TNRC6A: variants seen among roughly 807,000 people sequenced by gnomAD.
TNRC6A encodes trinucleotide repeat containing adaptor 6A.
In TNRC6A, 44 loss-of-function variants were observed where a neutral mutation model predicts 221.2. That is an observed-to-expected ratio of 0.20 (90% CI 0.16 to 0.26). TNRC6A has a LOEUF of 0.26. Among genes scored for constraint, TNRC6A ranks in the 10% least tolerant of loss-of-function variants. The pLI is 1.00. For synonymous variants in TNRC6A, 847 were observed against 838.5 expected, an observed-to-expected ratio of 1.01 and a Z score of -0.18; for missense variants, 2,199 against 2,404.4, an observed-to-expected ratio of 0.91 and a Z score of 1.79.
chr16:24,791,795 C>CA lies in TNRC6A; in HGVS notation c.3156dup (p.Glu1053ArgfsTer10). 6.4e-7 allele frequency: 1 copy of CA among 1,560,808 alleles called. No homozygotes were observed. Among genetic ancestry groups the CA allele is most frequent in the Non-Finnish European group, 8.6e-7 (1 of 1,157,928 alleles). ...TAACGCCTGCAAGTGCCATCTCAAACAAAGAGGCAAGCAGTGGCTCTGGTA... is the reference window on the plus strand; with the variant it reads ...TAACGCCTGCAAGTGCCATCTCAAACAAAAGAGGCAAGCAGTGGCTCTGGTA... On this transcript the variant is annotated frameshift_variant, in exon 6 of 25. Coordinates refer to ENST00000395799, the MANE Select transcript of TNRC6A (RefSeq NM_014494.4). LOFTEE classifies it high-confidence loss of function.
intron 2 of TNRC6A, among the ~76,000 whole-genome samples, chr16:24,674,601 A>G (rs767520961): frequency 2.0e-5 from 3 of 151,900 alleles, no homozygotes; most frequent in Non-Finnish European, 4.4e-5. Flanking sequence ...GTTCCACATA[A>G]AAGCAGGCAA....
At chr16:24,631,026 A>G (rs1051471582) in intron 1 of TNRC6A, among the ~76,000 whole-genome samples, 7 of 152,094 alleles carry the variant, frequency 4.6e-5, no homozygotes, top group Admixed American at 1.3e-4. Context: ...AAGAAAGAAA[A>G]AAAAAAAAGG....
chr16:24,786,825 G>A (rs975315598), intron 5 of TNRC6A, among the ~76,000 whole-genome samples: 5 of 152,176 alleles, frequency 3.3e-5, no homozygotes, highest in African/African-American at 1.2e-4. Context: ...GGGACTGCAG[G>A]CGCCTGCCAC....
At chr16:24,819,800 G>T in intron 21 of TNRC6A, 1 of 244,678 alleles carries the variant, frequency 4.1e-6, no homozygotes, top group Non-Finnish European at 7.9e-6. Context: ...GGCCTTTCTT[G>T]AGTGACTCAA....
At chr16:24,722,400 C>G (rs1163856118) in intron 2 of TNRC6A, among the ~76,000 whole-genome samples, 4 of 148,610 alleles carry the variant, frequency 2.7e-5, no homozygotes, top group Non-Finnish European at 5.9e-5. Flanking sequence ...GGTGACAGAG[C>G]AAGACCCCAA....
At chr16:24,706,891 A>G (rs1439941371) in intron 2 of TNRC6A, among the ~76,000 whole-genome samples, 5 of 152,034 alleles carry the variant, frequency 3.3e-5, no homozygotes, top group African/African-American at 1.2e-4. Context: ...GCCATTTGAA[A>G]AACTTAAGTT....
intron 2 of TNRC6A, among the ~76,000 whole-genome samples, chr16:24,719,201 C>T (rs971670541): frequency 1.3e-5 from 2 of 151,878 alleles, no homozygotes; most frequent in African/African-American, 2.4e-5. Flanking sequence ...GCTCTCCTGG[C>T]GCTTACAAAA....
Position 24,689,766 on chromosome 16 carries a change from A to G in TNRC6A, n.402+48757A>G, listed in dbSNP as rs75305280. Among the ~76,000 whole-genome samples, 6 of 152,156 alleles carry G rather than the reference A, an allele frequency of 3.9e-5. No individual in the cohort carries two copies. The East Asian group carries it at 1.2e-3, about 29-fold the overall frequency. Reference sequence around the variant, plus strand: ...GTGACACATGCTATGAGAAAAAAAAATTTGAGACAGGGTCTCACTTGTTGC... The same window carrying G: ...GTGACACATGCTATGAGAAAAAAAAGTTTGAGACAGGGTCTCACTTGTTGC... On this transcript the variant is annotated intron_variant and non_coding_transcript_variant, in intron 2 of 2. Coordinates refer to the TNRC6A transcript ENST00000566108.
At chr16:24,708,964 G>A (rs938507642) in intron 2 of TNRC6A, among the ~76,000 whole-genome samples, 1 of 152,118 alleles carries the variant, frequency 6.6e-6, no homozygotes, top group Admixed American at 6.6e-5. Context: ...AAACGTAAGT[G>A]TGCATGTGTC....
Position 24,790,234 on chromosome 16 carries a change from G to C in TNRC6A, c.1592G>C (p.Gly531Ala). The part of the protein sequence containing the change: ...TWGAYGSNYS[G>A]DKCSGPNGQA... The stretch of plus-strand genomic sequence containing the variant: ...GGTGCCTATGGTTCTAATTACTCTG[G>C]AGACAAATGTTCAGGCCCTAATGGC... Residue 531 changes from glycine to alanine, a missense_variant, in exon 6 of 25, where the codon GGA (glycine) becomes GCA (alanine). Coordinates refer to ENST00000395799, the MANE Select transcript of TNRC6A (RefSeq NM_014494.4). 6.2e-7 allele frequency: 1 copy of C among 1,614,202 alleles called. No individual in the cohort carries two copies.
chr16:24,736,869 C>A (rs2056780980), intron 2 of TNRC6A, among the ~76,000 whole-genome samples: 1 of 152,196 alleles, frequency 6.6e-6, no homozygotes, highest in South Asian at 2.1e-4. Context: ...TTAAATCGAT[C>A]AGCCATAATG....
At chr16:24,665,170 A>G (rs2055132123) in intron 2 of TNRC6A, 11 of 321,670 alleles carry the variant, frequency 3.4e-5, no homozygotes, top group South Asian at 2.6e-4. Context: ...CCTGGGCTCA[A>G]GCCATCCTCC....
intron 4 of TNRC6A, among the ~76,000 whole-genome samples, chr16:24,774,038 C>T (rs186331608): frequency 4.9e-4 from 75 of 152,230 alleles, no homozygotes; most frequent in African/African-American, 1.7e-3. Context: ...TTTGCATTAA[C>T]CAGAATTTTG....
At chr16:24,667,885 C>T (rs1454062040) in intron 2 of TNRC6A, among the ~76,000 whole-genome samples, 2 of 151,162 alleles carry the variant, frequency 1.3e-5, no homozygotes, top group African/African-American at 2.4e-5. Context: ...GTTAGCTGGG[C>T]GTGATGGCAC....
At chr16:24,795,474 C>T (rs1432924300) in intron 8 of TNRC6A, among the ~76,000 whole-genome samples, 1 of 152,030 alleles carries the variant, frequency 6.6e-6, no homozygotes, top group East Asian at 1.9e-4. Context: ...GTGCCCAGTC[C>T]CCCAGGTGGT....
intron 2 of TNRC6A, among the ~76,000 whole-genome samples, chr16:24,744,786 C>G (rs1274472273): frequency 6.6e-6 from 1 of 152,190 alleles, no homozygotes; most frequent in Admixed American, 6.5e-5. Context: ...TGCTCATACT[C>G]TGTCACAAAT....
chr16:24,710,298 C>T (rs939521150), intron 2 of TNRC6A, among the ~76,000 whole-genome samples: 15 of 151,614 alleles, frequency 9.9e-5, no homozygotes, highest in Non-Finnish European at 2.1e-4. Context: ...CTTTTTTCCT[C>T]AACAAAATAA....
intron 15 of TNRC6A, 71 bp from the exon 16 acceptor site, chr16:24,806,135 C>G: frequency 6.4e-7 from 1 of 1,562,116 alleles, no homozygotes. Context: ...GGTCCATCTG[C>G]TGTCGTCATT....
chr16:24,696,337 G>A (rs1347608270), intron 2 of TNRC6A, among the ~76,000 whole-genome samples: 1 of 110,874 alleles, frequency 9.0e-6, no homozygotes, highest in East Asian at 2.6e-4. Flanking sequence ...GACAGAGTCA[G>A]ACTCCATCTC....
Sources: allele counts gnomAD v4.1 joint callset (sites outside exome capture counted in the v4.1 genomes callset), GRCh38; gene constraint gnomAD v4.1.1; transcripts MANE v1.5; gene names NCBI Gene and HGNC (gene_info 2026-07-23, HGNC 2026-07-21).